ERICH1: variants seen among roughly 807,000 people sequenced by gnomAD.
ERICH1 encodes the protein glutamate rich 1, also known as glutamate-rich protein 1.
In ERICH1, 56 loss-of-function variants were observed where a neutral mutation model predicts 39.6. The ratio of observed to expected loss-of-function variants is 1.41; its 90% confidence interval spans 1.14 to 1.77. The LOEUF (loss-of-function observed/expected upper bound fraction) is 1.77. ERICH1 is among the 40% of genes most tolerant of loss of function. The pLI, the probability that ERICH1 is intolerant of heterozygous loss-of-function variation, is 0.00. For missense variants in ERICH1, 826 were observed against 575.4 expected (o/e 1.44, Z -4.45); for synonymous variants, 313 against 223.6 (o/e 1.40, Z -3.57).
At chr8:635,569 G>T (rs1350707407) in intron 3 of ERICH1, among the ~76,000 whole-genome samples, 1 of 152,214 alleles carries the variant, frequency 6.6e-6, no homozygotes, top group Non-Finnish European at 1.5e-5. Flanking sequence ...TGGTCGACCT[G>T]GACGTAGTGG....
chr8:686,840 G>C (rs1355341054), intron 3 of ERICH1: 2 of 152,258 alleles, frequency 1.3e-5, no homozygotes, highest in African/African-American at 2.4e-5. Flanking sequence ...GGACACAGCT[G>C]AATGTGTGAA....
chr8:682,037 C>T (rs548408270), intron 3 of ERICH1, among the ~76,000 whole-genome samples: 1 of 150,002 alleles, frequency 6.7e-6, no homozygotes, highest in Non-Finnish European at 1.5e-5. Context: ...CATCCACCCC[C>T]ACCCTGCCCC....
At chr8:713,404 T>C (rs564559802) in intron 2 of ERICH1, among the ~76,000 whole-genome samples, 7 of 152,360 alleles carry the variant, frequency 4.6e-5, no homozygotes, top group African/African-American at 1.7e-4. Flanking sequence ...TGGGAGCTTG[T>C]ACCATTTGAA....
chr8:727,382 G>C (rs1281223133), intron 1 of ERICH1, among the ~76,000 whole-genome samples: 1 of 152,212 alleles, frequency 6.6e-6, no homozygotes, highest in Non-Finnish European at 1.5e-5. Flanking sequence ...GTGAAGTTGG[G>C]GCAATCCACT....
chr8:679,178 A>T (rs563709584), intron 3 of ERICH1, among the ~76,000 whole-genome samples: 91 of 110,026 alleles, frequency 8.3e-4, no homozygotes, highest in Non-Finnish European at 1.4e-3. Context: ...CCCTCACAGC[A>T]CCCACCCCTC....
At chr8:690,134 A>G (rs887055444) in intron 3 of ERICH1, among the ~76,000 whole-genome samples, 1 of 152,184 alleles carries the variant, frequency 6.6e-6, no homozygotes, top group Non-Finnish European at 1.5e-5. Context: ...GCCAAGACCC[A>G]TTAACCCAGG....
chr8:634,763 G>A (rs1270765026), intron 3 of ERICH1, among the ~76,000 whole-genome samples: 3 of 152,188 alleles, frequency 2.0e-5, no homozygotes, highest in South Asian at 2.1e-4. Context: ...CTTGGCGACC[G>A]GAAGCCTCTG....
chr8:728,746 G>A (rs953908864), intron 1 of ERICH1, among the ~76,000 whole-genome samples: 2 of 152,070 alleles, frequency 1.3e-5, no homozygotes, highest in African/African-American at 4.8e-5. Context: ...AATATCCTCC[G>A]GTGCTATACT....
intron 2 of ERICH1, among the ~76,000 whole-genome samples, chr8:712,052 GGTAA>G (rs1441021892): frequency 1.1e-4 from 16 of 152,092 alleles, no homozygotes; most frequent in Admixed American, 9.8e-4. Context: ...GTAGATTTCT[GGTAA>G]GTAACTCTTG....
chr8:656,721 G>T, intron 3 of ERICH1: 1 of 981,906 alleles, frequency 1.0e-6, no homozygotes, highest in Non-Finnish European at 1.2e-6. Flanking sequence ...TCCTGCTGCA[G>T]GTCTGGGAAG....
rs1424607612 is a variant in ERICH1, at chr8:731,215, C to T, written c.-54G>A. 16 of 1,415,790 alleles carry T rather than the reference C, an allele frequency of 1.1e-5. No homozygotes were observed. The highest frequency in any genetic ancestry group is 1.5e-5 in the South Asian group (1 of 67,726). The allele number at this position is 1,415,790 out of a possible 1,614,324, so 87.7% of individuals were successfully genotyped here. On this transcript the variant is annotated 5_prime_UTR_variant, in exon 1 of 6. Transcript: ENST00000262109. ...CGGCGCGCGGTCCTGAGCTGAGCGCCGTGCCTTCCGGGTTCCGCCCTCCTG... is the reference window on the plus strand; with the variant it reads ...CGGCGCGCGGTCCTGAGCTGAGCGCTGTGCCTTCCGGGTTCCGCCCTCCTG...
rs1801869710 is a variant in ERICH1, at chr8:664,345, T to G, written c.*258A>C. 13 of 1,116,152 alleles carry G rather than the reference T, an allele frequency of 1.2e-5. No individual in the cohort carries two copies. The highest frequency in any genetic ancestry group is 1.4e-5 in the Non-Finnish European group (13 of 914,626). The allele number at this position is 1,116,152 out of a possible 1,614,324, so 69.1% of individuals were successfully genotyped here. A position where few individuals can be genotyped will look rare whatever the true frequency, so the allele number is the denominator to read the frequency against. ...GAATGTCCATTTTCAATTTTTACAA[T>G]AAGTAGAGAAACAGAATCAAGTTTT... On this transcript the variant is annotated 3_prime_UTR_variant, in exon 6 of 6. Coordinates refer to ENST00000262109, the MANE Select transcript of ERICH1 (RefSeq NM_207332.3).
chr8:695,918 C>T (rs1310106711), intron 2 of ERICH1, among the ~76,000 whole-genome samples: 1 of 81,984 alleles, frequency 1.2e-5, no homozygotes, highest in African/African-American at 5.3e-5. Flanking sequence ...TCGCTCCTCT[C>T]ACCCTCCACT....
rs1053646978 is a variant in ERICH1, at chr8:694,346, G to C, written c.170-1734C>G. On this transcript the variant is annotated intron_variant, in intron 2 of 5. Coordinates refer to ENST00000262109, the MANE Select transcript of ERICH1 (RefSeq NM_207332.3). Reference sequence around the variant, plus strand: ...TCCCCTACTGGGTAAATCAACATTTGATCATTTTTCACAGAATATTTTTGG... The same window carrying C: ...TCCCCTACTGGGTAAATCAACATTTCATCATTTTTCACAGAATATTTTTGG... Among the ~76,000 whole-genome samples, 70 of 152,168 alleles carry C rather than the reference G, an allele frequency of 4.6e-4. 1 individual carries two copies. Among genetic ancestry groups the C allele is most frequent in the Admixed American group, 2.0e-3 (31 of 15,278 alleles).
At position 664,322 on chromosome 8, in the gene ERICH1, A is replaced by T. The variant is rs917389299; in HGVS notation, c.*281T>A. On this transcript the variant is annotated 3_prime_UTR_variant, in exon 6 of 6. Coordinates refer to ENST00000262109, the MANE Select transcript of ERICH1 (RefSeq NM_207332.3). ...CAAACTATACATTTAACTTAACAGA[A>T]TGTCCATTTTCAATTTTTACAATAA... The T allele has an allele frequency of 4.4e-5, 48 of 1,086,174 alleles. No individual in the cohort carries two copies. Among genetic ancestry groups the T allele is most frequent in the Middle Eastern group, 8.2e-4 (2 of 2,428 alleles). The allele number at this position is 1,086,174 out of a possible 1,614,324, so 67.3% of individuals were successfully genotyped here.
chr8:695,838 C>G (rs1228256692), intron 2 of ERICH1, among the ~76,000 whole-genome samples: 1 of 67,928 alleles, frequency 1.5e-5, no homozygotes, highest in Non-Finnish European at 3.8e-5. Context: ...CTCCTCCCTC[C>G]CCATCAGCCT....
chr8:687,617 G>A lies in ERICH1; in HGVS notation c.304+4861C>T, dbSNP rs570216291. Among the ~76,000 whole-genome samples the A allele has an allele frequency of 1.4e-4, 21 of 152,306 alleles. No individual in the cohort carries two copies. In the East Asian group the frequency reaches 3.9e-3, roughly 28 times the overall value. On this transcript the variant is annotated intron_variant, in intron 3 of 5. Coordinates refer to ENST00000262109, the MANE Select transcript of ERICH1 (RefSeq NM_207332.3). ...GACTGGAGGGAGGCGGGTCCCTGTG[G>A]AGCGCAGCAGGAGGAAGGCAGCGCG...
intron 2 of ERICH1, among the ~76,000 whole-genome samples, chr8:712,940 C>G (rs1473994280): frequency 6.6e-6 from 1 of 152,208 alleles, no homozygotes; most frequent in Admixed American, 6.5e-5. Context: ...CATTAGCTTT[C>G]TAGGGCTGCC....
chr8:654,542 C>A (rs11782723), intron 3 of ERICH1, among the ~76,000 whole-genome samples: 1 of 151,998 alleles, frequency 6.6e-6, no homozygotes, highest in Non-Finnish European at 1.5e-5. Context: ...ATATGTATGC[C>A]ATACATCAAA....
Sources: gnomAD v4.1 joint callset for allele counts (sites outside exome capture counted in the v4.1 genomes callset) on GRCh38, gnomAD v4.1.1 for gene constraint, MANE v1.5 for transcripts, NCBI Gene and HGNC (gene_info 2026-07-23, HGNC 2026-07-21) for gene names.